Variants in PRKCE observed in about 807,000 individuals in gnomAD.
PRKCE encodes protein kinase C epsilon type.
Under a neutral mutation model 85.4 loss-of-function variants are expected in PRKCE, and 16 were observed. The observed-to-expected ratio is 0.19, with a 90% confidence interval of 0.13 to 0.28. The LOEUF (loss-of-function observed/expected upper bound fraction) is 0.28, where lower values mean the gene tolerates loss of function less well. Among genes scored for constraint, PRKCE ranks in the 10% least tolerant of loss-of-function variants. The probability of loss-of-function intolerance (pLI) is 1.00; values close to 1 mark genes in which losing one functional copy is unlikely to be tolerated. For synonymous variants in PRKCE, 388 were observed against 371.5 expected (o/e 1.04, Z -0.51); for missense variants, 573 against 975.2 (o/e 0.59, Z 5.49).
At chr2:46,093,996 C>G (rs1418320228) in intron 11 of PRKCE, among the ~76,000 whole-genome samples, 1 of 152,024 alleles carries the variant, frequency 6.6e-6, no homozygotes, top group Non-Finnish European at 1.5e-5. Context: ...TAATAAATAT[C>G]TCTTTGTTTT....
At chr2:46,125,967 T>A (rs1057512178) in intron 11 of PRKCE, among the ~76,000 whole-genome samples, 1 of 152,226 alleles carries the variant, frequency 6.6e-6, no homozygotes, top group African/African-American at 2.4e-5. Context: ...TCCAACAGCA[T>A]GGCAGATGTA....
chr2:45,846,723 G>C (rs1298984445), intron 2 of PRKCE, among the ~76,000 whole-genome samples: 3 of 152,210 alleles, frequency 2.0e-5, no homozygotes, highest in African/African-American at 7.2e-5. Context: ...GAGTCCTTCA[G>C]ACCTGGATTG....
At chr2:45,884,991 A>ATTTTTTTTTT (rs1323692604) in intron 2 of PRKCE, among the ~76,000 whole-genome samples, 1 of 57,732 alleles carries the variant, frequency 1.7e-5, no homozygotes, top group Admixed American at 2.3e-4. Flanking sequence ...ATATATATAT[A>ATTTTTTTTTT]TATATATATA....
intron 1 of PRKCE, among the ~76,000 whole-genome samples, chr2:45,797,034 G>T (rs896681736): frequency 6.6e-6 from 1 of 152,194 alleles, no homozygotes; most frequent in Non-Finnish European, 1.5e-5. Context: ...GTACAAGAGG[G>T]TGAATCCCTA....
intron 1 of PRKCE, among the ~76,000 whole-genome samples, chr2:45,803,907 G>C (rs1351546539): frequency 6.6e-6 from 1 of 152,226 alleles, no homozygotes; most frequent in Non-Finnish European, 1.5e-5. Context: ...TCTGTACACA[G>C]GATGTTGTTT....
intron 11 of PRKCE, among the ~76,000 whole-genome samples, chr2:46,131,894 C>T (rs1464220921): frequency 6.6e-6 from 1 of 152,170 alleles, no homozygotes; most frequent in Non-Finnish European, 1.5e-5. Flanking sequence ...TTTACTAAAG[C>T]TATTCACTGG....
At chr2:45,741,631 G>A (rs1315271145) in intron 1 of PRKCE, among the ~76,000 whole-genome samples, 3 of 136,610 alleles carry the variant, frequency 2.2e-5, no homozygotes, top group Admixed American at 6.8e-5. Flanking sequence ...GCATGTGCAC[G>A]TTTTGGGCAT....
chr2:45,940,949 C>G (rs2104208611), intron 2 of PRKCE, among the ~76,000 whole-genome samples: 1 of 151,356 alleles, frequency 6.6e-6, no homozygotes, highest in East Asian at 2.0e-4. Flanking sequence ...GCCTGTAATC[C>G]CAGCTACTTG....
intron 11 of PRKCE, among the ~76,000 whole-genome samples, chr2:46,102,360 A>G (rs1671324110): frequency 6.6e-6 from 1 of 152,202 alleles, no homozygotes; most frequent in South Asian, 2.1e-4. Flanking sequence ...AATAAATTTC[A>G]GATGTCTTTA....
At position 46,068,980 on chromosome 2, in the gene PRKCE, A is replaced by G. The variant is rs965379800; in HGVS notation, c.1438-17228A>G. On this transcript the variant is annotated intron_variant, in intron 10 of 14. Coordinates refer to ENST00000306156, the MANE Select transcript of PRKCE (RefSeq NM_005400.3). This position sits in a 1 kb window ranked among gnomAD's most constrained non-coding sequence, Gnocchi z 4.3. ...ATTTCCGGTCCCAACTTAGACCTGC[A>G]GAATCAGAATATTTGGGTGTGGAGT... Among the ~76,000 whole-genome samples, 7 of 152,228 alleles carry G rather than the reference A, an allele frequency of 4.6e-5. No homozygotes were observed. Among genetic ancestry groups the G allele is most frequent in the Admixed American group, 3.9e-4 (6 of 15,282 alleles).
chr2:45,921,367 T>C (rs1166545154), intron 2 of PRKCE, among the ~76,000 whole-genome samples: 2 of 152,230 alleles, frequency 1.3e-5, no homozygotes, highest in African/African-American at 4.8e-5. Context: ...CATACGTAGA[T>C]ATAGTTAGCA....
intron 1 of PRKCE, among the ~76,000 whole-genome samples, chr2:45,743,244 A>C (rs1323502319): frequency 6.6e-6 from 1 of 152,200 alleles, no homozygotes; most frequent in Non-Finnish European, 1.5e-5. Context: ...GAAATTTGCC[A>C]AGAGGGTGGA....
At chr2:45,667,285 T>G (rs1328920065) in intron 1 of PRKCE, among the ~76,000 whole-genome samples, 3 of 152,232 alleles carry the variant, frequency 2.0e-5, no homozygotes, top group South Asian at 4.1e-4. Context: ...CACTCCAGCC[T>G]GGGTAACAGG....
At chr2:45,658,018 C>A (rs1675459329) in intron 1 of PRKCE, among the ~76,000 whole-genome samples, 1 of 152,210 alleles carries the variant, frequency 6.6e-6, no homozygotes, top group South Asian at 2.1e-4. Context: ...ACATCTCTAT[C>A]TTCAGGACAT....
intron 2 of PRKCE, among the ~76,000 whole-genome samples, chr2:45,899,304 G>A (rs924955321): frequency 6.6e-6 from 1 of 152,054 alleles, no homozygotes; most frequent in Non-Finnish European, 1.5e-5. Flanking sequence ...GTTGGGCAAA[G>A]ATAAAGCCAG....
intron 1 of PRKCE, among the ~76,000 whole-genome samples, chr2:45,689,676 G>A (rs1194236000): frequency 1.3e-5 from 2 of 151,966 alleles, no homozygotes; most frequent in Admixed American, 1.3e-4. Context: ...TTGGGAGGCC[G>A]AGGGAGGTCA....
At chr2:46,128,146 T>G (rs1674050828) in intron 11 of PRKCE, among the ~76,000 whole-genome samples, 1 of 152,230 alleles carries the variant, frequency 6.6e-6, no homozygotes, top group Non-Finnish European at 1.5e-5. Context: ...ATTCCTTACC[T>G]GGTTCCCCCT....
chr2:46,048,646 C>T (rs192956874), intron 10 of PRKCE, among the ~76,000 whole-genome samples: 1 of 152,314 alleles, frequency 6.6e-6, no homozygotes, highest in African/African-American at 2.4e-5. Flanking sequence ...CGGATGATAG[C>T]TGGAAGTGAT....
chr2:46,106,149 T>C (rs1278593756), intron 11 of PRKCE, among the ~76,000 whole-genome samples: 2 of 152,224 alleles, frequency 1.3e-5, no homozygotes, highest in Non-Finnish European at 2.9e-5. Flanking sequence ...AAAAAATCCA[T>C]GTATTAGTGG....
Sources: gnomAD v4.1 joint callset for allele counts (sites outside exome capture counted in the v4.1 genomes callset) on GRCh38, gnomAD v4.1.1 for gene constraint, Gnocchi (gnomAD v3.1) non-coding constraint, MANE v1.5 for transcripts, NCBI Gene and HGNC (gene_info 2026-07-23, HGNC 2026-07-21) for gene names.